The following DNM2 variants were observed in gnomAD, a reference collection of about 807,000 sequenced individuals.
DNM2 encodes the protein dynamin 2, also known as dynamin-2.
Under a neutral mutation model 99.0 loss-of-function variants are expected in DNM2, and 15 were observed. That is an observed-to-expected ratio of 0.15 (90% CI 0.10 to 0.23). The LOEUF (loss-of-function observed/expected upper bound fraction) is 0.23, where lower values mean the gene tolerates loss of function less well. DNM2 is among the 10% of genes least tolerant of loss of function. The pLI is 1.00. For missense variants in DNM2, 742 were observed against 1,189.4 expected (o/e 0.62, Z 5.53); for synonymous variants, 525 against 481.2 (o/e 1.09, Z -1.19).
At chr19:10,808,659 TGTTCC>T in intron 14 of DNM2, 79 bp downstream of exon 14, 1 of 1,477,624 alleles carries the variant, frequency 6.8e-7, no homozygotes, top group Non-Finnish European at 9.3e-7. Flanking sequence ...TAATATTCCC[TGTTCC>T]CCATCCCCTC....
intron 1 of DNM2, among the ~76,000 whole-genome samples, chr19:10,741,728 T>A (rs1031518644): frequency 1.3e-5 from 2 of 151,872 alleles, no homozygotes; most frequent in Non-Finnish European, 2.9e-5. Flanking sequence ...TTTTTTTGTA[T>A]TTTTAGTAGA....
intron 1 of DNM2, among the ~76,000 whole-genome samples, chr19:10,741,108 T>C (rs1223442504): frequency 1.3e-5 from 2 of 152,232 alleles, no homozygotes; most frequent in Non-Finnish European, 2.9e-5. Context: ...GTATTTTCTA[T>C]TTCCTTGTTA....
At chr19:10,732,041 G>A (rs1449795163) in intron 1 of DNM2, among the ~76,000 whole-genome samples, 1 of 147,854 alleles carries the variant, frequency 6.8e-6, no homozygotes, top group African/African-American at 2.5e-5. Flanking sequence ...TGCAACCTCC[G>A]CCTCCCAGGT....
At chr19:10,750,004 G>A (rs1416414665) in intron 1 of DNM2, among the ~76,000 whole-genome samples, 1 of 152,210 alleles carries the variant, frequency 6.6e-6, no homozygotes, top group Non-Finnish European at 1.5e-5. Context: ...TGGGGAACCC[G>A]GTCAGCACTG....
At chr19:10,755,398 T>C (rs1436843913) in intron 1 of DNM2, 1 of 151,822 alleles carries the variant, frequency 6.6e-6, no homozygotes, top group East Asian at 1.9e-4. Context: ...GGGCACGTGC[T>C]GTCACCGCCG....
chr19:10,757,943 C>CAAAAAAAAAA (rs762600168), intron 1 of DNM2, among the ~76,000 whole-genome samples: 3 of 65,422 alleles, frequency 4.6e-5, no homozygotes, highest in Non-Finnish European at 6.9e-5. Flanking sequence ...AGCTCTGTCT[C>CAAAAAAAAAA]AAAAAAAAAA....
In DNM2 at chr19:10,725,477, C is replaced by T. The variant is rs578085697; in HGVS notation, c.161+7074C>T. Among the ~76,000 whole-genome samples the T allele has an allele frequency of 6.6e-5, 10 of 150,594 alleles. No individual in the cohort carries two copies. The East Asian group carries it at 1.9e-3, about 29-fold the overall frequency. On this transcript the variant is annotated intron_variant, in intron 1 of 20. Transcript: ENST00000389253. The stretch of plus-strand genomic sequence containing the variant: ...AAAAAAAAAAGGAAAAAAGGAAAGG[C>T]CATGCAAGGCTCGGTTAGGGTGGTC...
chr19:10,811,462 T>G lies in DNM2; in HGVS notation c.1558-802T>G, dbSNP rs1019094290. On this transcript the variant is annotated intron_variant, in intron 14 of 20. Coordinates refer to ENST00000389253, the MANE Select transcript of DNM2 (RefSeq NM_001005361.3). The surrounding 1 kb of genome is among the most constrained non-coding windows in gnomAD (Gnocchi z 5.4). Reference sequence around the variant, plus strand: ...GATGCAGGCCAGCCCTTCGCAGCTGTCCATGGCCATGCTCAGCCCACCCTT... The same window carrying G: ...GATGCAGGCCAGCCCTTCGCAGCTGGCCATGGCCATGCTCAGCCCACCCTT... 3 of 352,636 alleles carry G rather than the reference T, an allele frequency of 8.5e-6. No individual in the cohort carries two copies. The highest frequency in any genetic ancestry group is 1.7e-5 in the Non-Finnish European group (3 of 177,918). The allele number at this position is 352,636 out of a possible 1,614,324, so 21.8% of individuals were successfully genotyped here.
intron 12 of DNM2, 115 bp from the exon 13 acceptor site, chr19:10,805,801 C>G: frequency 7.5e-7 from 1 of 1,337,368 alleles, no homozygotes; most frequent in Non-Finnish European, 1.1e-6. Flanking sequence ...TTCTCTCTGC[C>G]TCTACCTGTG....
intron 5 of DNM2, among the ~76,000 whole-genome samples, chr19:10,782,674 C>T: frequency 6.6e-6 from 1 of 152,158 alleles, no homozygotes; most frequent in East Asian, 1.9e-4. Flanking sequence ...TTTTTCTCAC[C>T]TATCTTTGAA....
At chr19:10,808,863 A>G (rs1044355894) in intron 14 of DNM2, 1 of 423,208 alleles carries the variant, frequency 2.4e-6, no homozygotes, top group Non-Finnish European at 4.3e-6. Flanking sequence ...GGGATGGCAA[A>G]TACTTACACA....
intron 7 of DNM2, among the ~76,000 whole-genome samples, chr19:10,793,371 G>T (rs2071820389): frequency 6.6e-6 from 1 of 152,138 alleles, no homozygotes; most frequent in Admixed American, 6.5e-5. Context: ...TGGGGAAGTG[G>T]CTACCTTTCC....
rs936506715 is a variant in DNM2, at chr19:10,772,934, G to T, written c.385+306G>T. Reference sequence around the variant, plus strand: ...TGGCTCAAGGCAGCCAGATCTGCTGGTGCCTCAAGAGAGGCCAGAACCAGT... The same window carrying T: ...TGGCTCAAGGCAGCCAGATCTGCTGTTGCCTCAAGAGAGGCCAGAACCAGT... On this transcript the variant is annotated intron_variant, in intron 3 of 20. Transcript: ENST00000389253. This position sits in a 1 kb window ranked among gnomAD's most constrained non-coding sequence, Gnocchi z 4.9. 6.6e-6 allele frequency among the ~76,000 whole-genome samples: 1 copy of T among 151,572 alleles called. No individual in the cohort carries two copies. Among genetic ancestry groups the T allele is most frequent in the African/African-American group, 2.4e-5 (1 of 41,274 alleles).
intron 16 of DNM2, among the ~76,000 whole-genome samples, chr19:10,822,247 T>C (rs2072998074): frequency 1.3e-5 from 2 of 150,380 alleles, no homozygotes; most frequent in Admixed American, 6.7e-5. Context: ...TGGAGTGCAG[T>C]GGCATGATCT....
At chr19:10,741,432 T>G (rs2069743014) in intron 1 of DNM2, among the ~76,000 whole-genome samples, 3 of 152,096 alleles carry the variant, frequency 2.0e-5, no homozygotes, top group Admixed American at 1.3e-4. Context: ...TCTTGCTATA[T>G]TGACCAGGCT....
intron 15 of DNM2, among the ~76,000 whole-genome samples, chr19:10,814,026 G>A (rs2146120628): frequency 6.6e-6 from 1 of 152,230 alleles, no homozygotes; most frequent in Non-Finnish European, 1.5e-5. Flanking sequence ...GCCAGGTGTG[G>A]TGGCGCACGC....
intron 5 of DNM2, 122 bp downstream of exon 5, chr19:10,777,338 T>C: frequency 1.1e-6 from 1 of 909,762 alleles, no homozygotes; most frequent in Non-Finnish European, 1.8e-6. Flanking sequence ...CCGTAACTCC[T>C]TCTTTCTTTT....
intron 1 of DNM2, among the ~76,000 whole-genome samples, chr19:10,739,356 C>T (rs1048649251): frequency 5.3e-5 from 8 of 152,068 alleles, no homozygotes; most frequent in African/African-American, 1.9e-4. Context: ...GTTGTGTAAC[C>T]AGCACCACTA....
chr19:10,815,185 A>G (rs2072692177), intron 15 of DNM2, among the ~76,000 whole-genome samples: 1 of 152,162 alleles, frequency 6.6e-6, no homozygotes, highest in Non-Finnish European at 1.5e-5. Context: ...CCACCTTAAC[A>G]CAGGGCTCCC....
Sources: gnomAD v4.1 joint callset for allele counts (sites outside exome capture counted in the v4.1 genomes callset) on GRCh38, gnomAD v4.1.1 for gene constraint, Gnocchi (gnomAD v3.1) non-coding constraint, MANE v1.5 for transcripts, NCBI Gene and HGNC (gene_info 2026-07-23, HGNC 2026-07-21) for gene names.